The following EYS variants were observed in gnomAD, a reference collection of about 807,000 sequenced individuals.
EYS encodes protein eyes shut homolog.
In EYS, 250 loss-of-function variants were observed where a neutral mutation model predicts 282.1. That is an observed-to-expected ratio of 0.89 (90% confidence interval 0.80 to 0.98). EYS has a LOEUF of 0.98. Ranked by LOEUF, EYS falls within the 50% of genes least tolerant of loss-of-function variation. The pLI, the probability that EYS is intolerant of heterozygous loss-of-function variation, is 0.00. For missense variants in EYS, 4,016 were observed against 3,709.0 expected, an observed-to-expected ratio of 1.08 and a Z score of -2.15; for synonymous variants, 1,355 against 1,282.9, an observed-to-expected ratio of 1.06 and a Z score of -1.20.
intron 12 of EYS, among the ~76,000 whole-genome samples, chr6:65,066,839 G>A (rs868036849): frequency 6.6e-6 from 1 of 152,054 alleles, no homozygotes; most frequent in African/African-American, 2.4e-5. Flanking sequence ...ATGATATACT[G>A]TGCATGCAAT....
At chr6:64,872,630 A>G (rs566103861) in intron 19 of EYS, among the ~76,000 whole-genome samples, 16 of 152,152 alleles carry the variant, frequency 1.1e-4, no homozygotes, top group Admixed American at 2.6e-4. Context: ...ATGTAAATCA[A>G]TATCTCACCT....
chr6:64,844,415 C>A (rs912771856), intron 19 of EYS, among the ~76,000 whole-genome samples: 2 of 148,126 alleles, frequency 1.4e-5, no homozygotes, highest in African/African-American at 2.5e-5. Flanking sequence ...ATAATGAATT[C>A]TTTCTCAAAA....
chr6:64,575,607 C>A (rs1282761160), intron 26 of EYS, among the ~76,000 whole-genome samples: 1 of 152,026 alleles, frequency 6.6e-6, no homozygotes, highest in East Asian at 1.9e-4. Context: ...AAAGTATGGT[C>A]AGGTACACAG....
chr6:64,761,197 G>A (rs991544583), intron 22 of EYS, among the ~76,000 whole-genome samples: 1 of 152,074 alleles, frequency 6.6e-6, no homozygotes, highest in African/African-American at 2.4e-5. Flanking sequence ...AGATTTATGT[G>A]GAGCAGTGAG....
At chr6:64,903,106 G>T (rs1414641787) in intron 16 of EYS, among the ~76,000 whole-genome samples, 1 of 151,920 alleles carries the variant, frequency 6.6e-6, no homozygotes, top group East Asian at 1.9e-4. Flanking sequence ...AAACCTGCAT[G>T]ATATCACTTT....
chr6:65,111,733 G>A (rs1486163677), intron 12 of EYS, among the ~76,000 whole-genome samples: 1 of 152,134 alleles, frequency 6.6e-6, no homozygotes, highest in Admixed American at 6.5e-5. Flanking sequence ...TGTAATCCCA[G>A]CTACTCAGGA....
In EYS at chr6:64,289,304, C is replaced by T. The variant is rs117999950; in HGVS notation, c.6191+17666G>A. On this transcript the variant is annotated intron_variant, in intron 30 of 42. Transcript: ENST00000503581. ...CCTTCTTTTATAAAGCATGCCCACA[C>T]ATTACCAGGCTGAGAAAGGTGACTG... is the stretch of plus-strand genomic sequence containing the variant. 6.4e-4 allele frequency among the ~76,000 whole-genome samples: 97 copies of T among 152,182 alleles called. 2 individuals carry two copies. The East Asian group carries it at 0.014, about 21-fold the overall frequency.
intron 35 of EYS, 108 bp downstream of exon 35, chr6:63,984,275 T>C: frequency 1.3e-6 from 1 of 752,146 alleles, no homozygotes; most frequent in East Asian, 2.7e-5. Context: ...ACTTGAGAAT[T>C]CTGGACTTGT....
At chr6:65,084,470 A>G (rs541458043) in intron 12 of EYS, among the ~76,000 whole-genome samples, 1 of 152,286 alleles carries the variant, frequency 6.6e-6, no homozygotes, top group East Asian at 1.9e-4. Context: ...CTACTCCAAG[A>G]AAGTAAAACC....
chr6:65,535,972 C>T (rs533714008), intron 2 of EYS, among the ~76,000 whole-genome samples: 8 of 151,564 alleles, frequency 5.3e-5, no homozygotes, highest in East Asian at 1.9e-4. Flanking sequence ...GTGCTATCAA[C>T]GGACAATATA....
intron 30 of EYS, among the ~76,000 whole-genome samples, chr6:64,297,470 T>C (rs547032065): frequency 4.0e-4 from 61 of 152,308 alleles, no homozygotes; most frequent in African/African-American, 1.4e-3. Flanking sequence ...CATGGATACA[T>C]ATTAAAACCA....
Position 64,760,162 on chromosome 6 carries a change from A to G in EYS, c.3443+53216T>C, listed in dbSNP as rs372934224. On this transcript the variant is annotated intron_variant, in intron 22 of 42. Coordinates refer to ENST00000503581, the MANE Select transcript of EYS (RefSeq NM_001142800.2). ...CAGTGCCCTCTGTCTTCTCACCCCAAATAGTTGTATAGTTTTTTGATCTTT... is the reference window on the plus strand; with the variant it reads ...CAGTGCCCTCTGTCTTCTCACCCCAGATAGTTGTATAGTTTTTTGATCTTT... Among the ~76,000 whole-genome samples, 8 of 152,174 alleles carry G rather than the reference A, an allele frequency of 5.3e-5. No individual in the cohort carries two copies. In the South Asian group the frequency reaches 1.0e-3, roughly 20 times the overall value.
chr6:64,960,197 A>G (rs1376243617), intron 14 of EYS, among the ~76,000 whole-genome samples: 2 of 152,218 alleles, frequency 1.3e-5, no homozygotes, highest in Admixed American at 1.3e-4. Context: ...AATATTTATA[A>G]TGAGAGGAAA....
chr6:65,345,631 C>T (rs1770362570), intron 9 of EYS, among the ~76,000 whole-genome samples: 1 of 151,124 alleles, frequency 6.6e-6, no homozygotes, highest in Non-Finnish European at 1.5e-5. Flanking sequence ...GAAATTTATC[C>T]ATTTCATTTA....
intron 2 of EYS, among the ~76,000 whole-genome samples, chr6:65,635,416 T>C (rs1767051368): frequency 6.6e-6 from 1 of 152,160 alleles, no homozygotes; most frequent in Non-Finnish European, 1.5e-5. Flanking sequence ...GCCTTTCCCT[T>C]CAACATTCCT....
chr6:65,516,647 T>C (rs1268166887), intron 2 of EYS, among the ~76,000 whole-genome samples: 1 of 152,068 alleles, frequency 6.6e-6, no homozygotes, highest in Admixed American at 6.6e-5. Context: ...ATGATAAGTG[T>C]TTTGTATGTT....
chr6:63,734,645 G>A (rs1768864880), intron 41 of EYS, among the ~76,000 whole-genome samples: 1 of 151,454 alleles, frequency 6.6e-6, no homozygotes, highest in Admixed American at 6.6e-5. Flanking sequence ...AAGAAGGAGA[G>A]GAATCAAGGG....
At chr6:64,247,696 G>A (rs62413882) in intron 30 of EYS, among the ~76,000 whole-genome samples, 7 of 151,942 alleles carry the variant, frequency 4.6e-5, no homozygotes, top group Non-Finnish European at 8.8e-5. Flanking sequence ...CTCTATACCC[G>A]TACTGCTCTA....
intron 12 of EYS, among the ~76,000 whole-genome samples, chr6:65,250,689 T>TG (rs1251252701): frequency 6.6e-6 from 1 of 151,864 alleles, no homozygotes; most frequent in Non-Finnish European, 1.5e-5. Context: ...ATTCTCATAA[T>TG]GAAAAACTTC....
Sources: gnomAD v4.1 joint callset for allele counts (sites outside exome capture counted in the v4.1 genomes callset) on GRCh38, gnomAD v4.1.1 for gene constraint, MANE v1.5 for transcripts, NCBI Gene and HGNC (gene_info 2026-07-23, HGNC 2026-07-21) for gene names.